NFATC3: variants seen among roughly 807,000 people sequenced by gnomAD.
NFATC3 encodes the protein nuclear factor of activated T-cells, cytoplasmic 3.
NFATC3 carries 46 observed loss-of-function variants against 98.6 expected under a neutral mutation model. The ratio of observed to expected loss-of-function variants is 0.47; its 90% CI spans 0.37 to 0.60. NFATC3 has a LOEUF of 0.60. NFATC3 is among the 20% of genes least tolerant of loss of function. NFATC3 has a pLI of 0.00. For synonymous variants in NFATC3, 512 were observed against 472.2 expected (o/e 1.08, Z -1.09); for missense variants, 1,256 against 1,295.5 (o/e 0.97, Z 0.47).
At chr16:68,200,973 C>T (rs2040887910) in intron 9 of NFATC3, 2 of 152,062 alleles carry the variant, frequency 1.3e-5, no homozygotes, top group Admixed American at 6.6e-5. Flanking sequence ...CCCTTGTCAC[C>T]CAGGCTGGAG....
chr16:68,098,964 G>A (rs562738418), intron 1 of NFATC3, among the ~76,000 whole-genome samples: 1 of 152,124 alleles, frequency 6.6e-6, no homozygotes, highest in Non-Finnish European at 1.5e-5. Flanking sequence ...TTCTCCCAAC[G>A]ATAACATCTT....
At chr16:68,180,870 T>G (rs1448983873) in intron 6 of NFATC3, among the ~76,000 whole-genome samples, 3 of 152,234 alleles carry the variant, frequency 2.0e-5, no homozygotes, top group Non-Finnish European at 2.9e-5. Context: ...TTCCATGGGG[T>G]ATATGTGCCA....
intron 2 of NFATC3, among the ~76,000 whole-genome samples, chr16:68,125,927 C>G (rs554549682): frequency 3.0e-4 from 46 of 152,018 alleles, no homozygotes; most frequent in African/African-American, 1.1e-3. Flanking sequence ...GAGTCTCGCT[C>G]TTTTGGCCAG....
At chr16:68,164,752 C>T (rs936680819) in intron 4 of NFATC3, among the ~76,000 whole-genome samples, 5 of 151,512 alleles carry the variant, frequency 3.3e-5, no homozygotes, top group African/African-American at 7.3e-5. Flanking sequence ...TGGTGGTGCA[C>T]GCCTGTAATC....
chr16:68,150,123 T>C (rs1260940237), intron 3 of NFATC3, among the ~76,000 whole-genome samples: 1 of 152,200 alleles, frequency 6.6e-6, no homozygotes, highest in Non-Finnish European at 1.5e-5. Context: ...AACATTATTA[T>C]AAACCTTTGG....
chr16:68,166,368 G>T (rs1859312), intron 4 of NFATC3, among the ~76,000 whole-genome samples: 15 of 152,324 alleles, frequency 9.8e-5, no homozygotes, highest in Middle Eastern at 6.8e-3. Flanking sequence ...TGGGTGGCTG[G>T]AGTGGTTAGG....
At chr16:68,109,108 T>C (rs2151477747) in intron 1 of NFATC3, among the ~76,000 whole-genome samples, 1 of 152,298 alleles carries the variant, frequency 6.6e-6, no homozygotes, top group South Asian at 2.1e-4. Context: ...TCCATTACTA[T>C]GTTGAATAGG....
chr16:68,176,384 G>A (rs1449185626), intron 6 of NFATC3, among the ~76,000 whole-genome samples: 1 of 149,110 alleles, frequency 6.7e-6, no homozygotes, highest in Non-Finnish European at 1.5e-5. Flanking sequence ...GACTTTGTAC[G>A]ATATTGCCTC....
chr16:68,167,869 C>G (rs1354502945), intron 5 of NFATC3, among the ~76,000 whole-genome samples: 2 of 55,104 alleles, frequency 3.6e-5, no homozygotes, highest in Non-Finnish European at 7.2e-5. Flanking sequence ...ATTTACTCTT[C>G]TTGCCCAGGT....
At chr16:68,187,547 G>T (rs949171512) in intron 8 of NFATC3, among the ~76,000 whole-genome samples, 1 of 152,094 alleles carries the variant, frequency 6.6e-6, no homozygotes, top group Non-Finnish European at 1.5e-5. Context: ...GCTCCTCTCT[G>T]CAGCCAGGGT....
chr16:68,098,085 A>G (rs2035114091), intron 1 of NFATC3, among the ~76,000 whole-genome samples: 1 of 152,006 alleles, frequency 6.6e-6, no homozygotes, highest in African/African-American at 2.4e-5. Context: ...GTATAGTACA[A>G]TTTATTTTAT....
At chr16:68,152,508 A>C (rs1374481337) in intron 3 of NFATC3, among the ~76,000 whole-genome samples, 2 of 151,858 alleles carry the variant, frequency 1.3e-5, no homozygotes, top group Non-Finnish European at 2.9e-5. Context: ...TGGGCCCTAC[A>C]CCTGGTGTTT....
intron 8 of NFATC3, among the ~76,000 whole-genome samples, chr16:68,187,405 A>T (rs565378103): frequency 6.6e-6 from 1 of 151,950 alleles, no homozygotes; most frequent in Non-Finnish European, 1.5e-5. Context: ...TTGTATTACA[A>T]CTCTTTCAGC....
At chr16:68,092,072 C>CT (rs1555512473) in intron 1 of NFATC3, among the ~76,000 whole-genome samples, 1 of 152,176 alleles carries the variant, frequency 6.6e-6, no homozygotes, top group Non-Finnish European at 1.5e-5. Context: ...AATTGGGGCT[C>CT]TAAGATTTAA....
intron 1 of NFATC3, among the ~76,000 whole-genome samples, chr16:68,092,960 A>G (rs1045814494): frequency 4.6e-5 from 7 of 151,970 alleles, no homozygotes; most frequent in Admixed American, 3.3e-4. Flanking sequence ...GGATTTGTGT[A>G]TTAATAGTTT....
At chr16:68,155,222 C>T (rs1437064181) in intron 3 of NFATC3, among the ~76,000 whole-genome samples, 2 of 152,132 alleles carry the variant, frequency 1.3e-5, no homozygotes, top group Non-Finnish European at 2.9e-5. Context: ...CTGTAAGACT[C>T]CACCAAATAC....
chr16:68,117,410 G>A (rs1481224466), intron 1 of NFATC3, among the ~76,000 whole-genome samples: 1 of 152,076 alleles, frequency 6.6e-6, no homozygotes, highest in Non-Finnish European at 1.5e-5. Flanking sequence ...ATCTCGCAAG[G>A]CCTTACTTGA....
chr16:68,226,453 A>G lies in NFATC3; in HGVS notation c.3210A>G (p.Gly1070=). 1 of 1,554,042 alleles carries G rather than the reference A, an allele frequency of 6.4e-7. No homozygotes were observed. The highest frequency in any genetic ancestry group is 2.1e-5 in the Admixed American group (1 of 47,138). ...CGAGTCCTGAGTCCCTGGATTTAGG[A>G]AGATCTGATGGGCTCTAACAGTGCT... ...PLPSPESLDL[G]RSDGL The change falls in exon 10 of 10, where the codon GGA becomes GGG. Residue 1070 remains glycine, a synonymous_variant. Transcript: ENST00000346183.
intron 9 of NFATC3, among the ~76,000 whole-genome samples, chr16:68,216,883 C>T (rs1250226196): frequency 6.6e-6 from 1 of 152,082 alleles, no homozygotes; most frequent in African/African-American, 2.4e-5. Context: ...TGATTTTCCC[C>T]CTCAATCCGT....
Sources: allele counts gnomAD v4.1 joint callset (sites outside exome capture counted in the v4.1 genomes callset), GRCh38; gene constraint gnomAD v4.1.1; transcripts MANE v1.5; gene names NCBI Gene and HGNC (gene_info 2026-07-23, HGNC 2026-07-21).